Variants in TENM4 observed in about 807,000 individuals in gnomAD.
The protein encoded by TENM4 is teneurin transmembrane protein 4, also known as teneurin-4.
A neutral mutation model predicts 243.3 loss-of-function variants in TENM4; 82 were observed. The observed-to-expected ratio is 0.34, with a 90% CI of 0.28 to 0.40. The LOEUF (loss-of-function observed/expected upper bound fraction) is 0.40, where lower values mean the gene tolerates loss of function less well. Ranked by LOEUF, TENM4 falls within the 10% of genes least tolerant of loss-of-function variation. The pLI, the probability that TENM4 is intolerant of heterozygous loss-of-function variation, is 1.00. For missense variants in TENM4, 3,138 were observed against 3,673.3 expected, an observed-to-expected ratio of 0.85 and a Z score of 3.77; for synonymous variants, 1,412 against 1,456.3, an observed-to-expected ratio of 0.97 and a Z score of 0.69.
Position 78,701,997 on chromosome 11 carries a change from G to A in TENM4, c.4616C>T (p.Pro1539Leu), listed in dbSNP as rs1859117581. 1 of 1,614,012 alleles carries A rather than the reference G, an allele frequency of 6.2e-7. No individual in the cohort carries two copies. Among genetic ancestry groups the A allele is most frequent in the Non-Finnish European group, 8.5e-7 (1 of 1,179,888 alleles). ...GYAKDAKLNTPSSLAVCADGE... is the reference protein window; with the variant it reads ...GYAKDAKLNTLSSLAVCADGE... ...ATCAGCACACACAGCCAAGGAAGATGGGGTATTTAACTTTGCATCCTTGGC... is the reference window on the plus strand; with the variant it reads ...ATCAGCACACACAGCCAAGGAAGATAGGGTATTTAACTTTGCATCCTTGGC... The change falls in exon 28 of 34, where the codon CCA becomes CTA. Residue 1539 changes from proline (P) to leucine (L), a missense_variant. Pro to Leu is a moderately conservative substitution (Grantham distance 98, BLOSUM62 -3). This residue lies in a region of TENM4 where 2,467 missense variants were observed against 3,059.1 expected (regional missense o/e 0.81). Coordinates refer to ENST00000278550, the MANE Select transcript of TENM4 (RefSeq NM_001098816.3).
chr11:79,310,840 G>T (rs1856707342), intron 1 of TENM4, among the ~76,000 whole-genome samples: 1 of 152,190 alleles, frequency 6.6e-6, no homozygotes, highest in African/African-American at 2.4e-5. Context: ...TCTAGGAAAA[G>T]AAATAAAATG....
intron 1 of TENM4, among the ~76,000 whole-genome samples, chr11:79,361,233 T>C (rs143692448): frequency 6.6e-6 from 1 of 152,318 alleles, no homozygotes; most frequent in Non-Finnish European, 1.5e-5. Flanking sequence ...CGATCTCTGG[T>C]GTCTTTAGCT....
At chr11:78,898,166 G>C (rs2136314354) in intron 7 of TENM4, among the ~76,000 whole-genome samples, 1 of 152,292 alleles carries the variant, frequency 6.6e-6, no homozygotes, top group South Asian at 2.1e-4. Context: ...AGCTCAAAGG[G>C]AGCACAGGTA....
chr11:79,401,595 AC>A (rs756601520), intron 1 of TENM4, among the ~76,000 whole-genome samples: 1 of 152,226 alleles, frequency 6.6e-6, no homozygotes, highest in Non-Finnish European at 1.5e-5. Context: ...ATTAGAGGCA[AC>A]CACTAATACA....
chr11:78,748,877 A>G (rs186102602), intron 19 of TENM4, among the ~76,000 whole-genome samples: 55 of 152,248 alleles, frequency 3.6e-4, no homozygotes, highest in Non-Finnish European at 7.2e-4. Flanking sequence ...TAATCTTCCA[A>G]ACAACCTGGC....
At chr11:79,247,537 G>T (rs1261454602) in intron 2 of TENM4, among the ~76,000 whole-genome samples, 1 of 151,968 alleles carries the variant, frequency 6.6e-6, no homozygotes, top group Non-Finnish European at 1.5e-5. Flanking sequence ...CACAGCCACT[G>T]CCTATTGAGG....
intron 6 of TENM4, among the ~76,000 whole-genome samples, chr11:79,002,536 G>C (rs2136708908): frequency 6.6e-6 from 1 of 152,330 alleles, no homozygotes; most frequent in East Asian, 1.9e-4. Context: ...AAAGTGCCAA[G>C]CTGAGTCTTG....
At chr11:79,097,865 G>A (rs1223362449) in intron 4 of TENM4, 1 of 150,830 alleles carries the variant, frequency 6.6e-6, no homozygotes, top group Non-Finnish European at 1.5e-5. Context: ...TTCTGAAAAA[G>A]GTAAGAAGCC....
At chr11:79,056,607 A>T (rs1859951251) in intron 6 of TENM4, among the ~76,000 whole-genome samples, 2 of 152,036 alleles carry the variant, frequency 1.3e-5, no homozygotes, top group African/African-American at 4.8e-5. Flanking sequence ...GGCTAAAATT[A>T]TGGCTTAAAG....
intron 1 of TENM4, among the ~76,000 whole-genome samples, chr11:79,390,513 G>T (rs1179126472): frequency 1.3e-5 from 2 of 152,200 alleles, no homozygotes; most frequent in Admixed American, 6.5e-5. Context: ...ATAACAGTCA[G>T]GGCAGGTACT....
chr11:78,726,758 C>T (rs965211403), intron 22 of TENM4, among the ~76,000 whole-genome samples: 2 of 121,868 alleles, frequency 1.6e-5, no homozygotes, highest in African/African-American at 4.4e-5. Context: ...AAGATGGCTG[C>T]TCCCGCTTTG....
chr11:78,906,778 G>A (rs1263810607), intron 6 of TENM4, among the ~76,000 whole-genome samples: 1 of 152,142 alleles, frequency 6.6e-6, no homozygotes, highest in East Asian at 1.9e-4. Flanking sequence ...GCATACTGAT[G>A]TCCACATGTT....
intron 1 of TENM4, among the ~76,000 whole-genome samples, chr11:79,431,850 T>C (rs531487189): frequency 1.3e-5 from 2 of 152,338 alleles, no homozygotes; most frequent in South Asian, 2.1e-4. Context: ...TACTCAGTAG[T>C]TGCCATGTGT....
chr11:78,890,960 C>T (rs1264892818), intron 8 of TENM4, among the ~76,000 whole-genome samples: 1 of 152,196 alleles, frequency 6.6e-6, no homozygotes, highest in Non-Finnish European at 1.5e-5. Context: ...AATACAGGGC[C>T]TGTGCTGCAT....
chr11:78,684,545 GACAC>G (rs150113069), intron 29 of TENM4, among the ~76,000 whole-genome samples: 1 of 151,706 alleles, frequency 6.6e-6, no homozygotes, highest in African/African-American at 2.4e-5. Context: ...CATACACACA[GACAC>G]ACACACACAC....
intron 22 of TENM4, among the ~76,000 whole-genome samples, chr11:78,727,555 T>A (rs1335857212): frequency 6.6e-6 from 1 of 152,144 alleles, no homozygotes; most frequent in Non-Finnish European, 1.5e-5. Context: ...GACTATGGTG[T>A]TTTTTAAATT....
chr11:78,994,207 C>G (rs1858116056), intron 6 of TENM4, among the ~76,000 whole-genome samples: 1 of 152,176 alleles, frequency 6.6e-6, no homozygotes, highest in Non-Finnish European at 1.5e-5. Flanking sequence ...ATCTCTCAGC[C>G]TGGTGTGAAT....
At position 78,669,564 on chromosome 11, in the gene TENM4, G is replaced by A. The variant is rs1858255765; in HGVS notation, c.6781C>T (p.Leu2261=). ...VQYKMDEDGF[L]RQRGGDIFEY... is the part of the protein sequence containing the mutation. The stretch of plus-strand genomic sequence containing the variant: ...AAGATATCACCGCCCCGCTGCCTCA[G>A]GAAGCCATCCTCATCCATCTTGTAT... The change falls in exon 32 of 34, where the codon CTG becomes TTG. Residue 2261 remains leucine, a synonymous_variant. Coordinates refer to ENST00000278550, the MANE Select transcript of TENM4 (RefSeq NM_001098816.3). This position sits in a 1 kb window ranked among gnomAD's most constrained non-coding sequence, Gnocchi z 6.4. 3.7e-6 allele frequency: 6 copies of A among 1,613,998 alleles called. No homozygotes were observed. In the East Asian group the frequency reaches 1.1e-4, roughly 30 times the overall value.
intron 3 of TENM4, among the ~76,000 whole-genome samples, chr11:79,160,899 C>G (rs1483171483): frequency 6.6e-6 from 1 of 152,150 alleles, no homozygotes; most frequent in Admixed American, 6.5e-5. Context: ...GCATGACTGT[C>G]TAAGTTTGGG....
Sources: allele counts gnomAD v4.1 joint callset (sites outside exome capture counted in the v4.1 genomes callset), GRCh38; gene constraint gnomAD v4.1.1; regional missense constraint gnomAD v4.1.1; non-coding constraint Gnocchi (gnomAD v3.1); transcripts MANE v1.5; gene names NCBI Gene and HGNC (gene_info 2026-07-23, HGNC 2026-07-21).